The following TNR variants were observed in gnomAD, a reference collection of about 807,000 sequenced individuals.
The protein encoded by TNR is tenascin-R.
A neutral mutation model predicts 150.4 loss-of-function variants in TNR; 45 were observed. The ratio of observed to expected loss-of-function variants is 0.30; its 90% CI spans 0.24 to 0.38. The LOEUF is 0.38. Ranked by LOEUF, TNR falls within the 10% of genes least tolerant of loss-of-function variation. The pLI, the probability that TNR is intolerant of heterozygous loss-of-function variation, is 1.00. For missense variants in TNR, 1,544 were observed against 1,759.1 expected (o/e 0.88, Z 2.19); for synonymous variants, 687 against 678.4 (o/e 1.01, Z -0.20).
intron 1 of TNR, among the ~76,000 whole-genome samples, chr1:175,549,972 C>T (rs1177266460): frequency 3.3e-5 from 5 of 152,130 alleles, no homozygotes; most frequent in African/African-American, 1.2e-4. Context: ...TTTTAACCTG[C>T]TATTTTTGTG....
At chr1:175,504,995 C>T (rs1658893315) in intron 2 of TNR, among the ~76,000 whole-genome samples, 1 of 152,088 alleles carries the variant, frequency 6.6e-6, no homozygotes, top group African/African-American at 2.4e-5. Flanking sequence ...CCCTTTCTCA[C>T]GGTCTGCCGA....
chr1:175,467,102 TTTAA>T (rs1657068515), intron 2 of TNR, among the ~76,000 whole-genome samples: 1 of 152,052 alleles, frequency 6.6e-6, no homozygotes, highest in African/African-American at 2.4e-5. Flanking sequence ...ATGACTTGGT[TTTAA>T]TTGAGATTTT....
intron 2 of TNR, among the ~76,000 whole-genome samples, chr1:175,480,419 A>AGAAAGAAAGAAAGAAAGAAAG (rs373622666): frequency 1.2e-4 from 13 of 111,034 alleles, no homozygotes; most frequent in African/African-American, 3.4e-4. Flanking sequence ...AAAGAAAGAA[A>AGAAAGAAAGAAAGAAAGAAAG]AAAGAAAGAA....
intron 1 of TNR, among the ~76,000 whole-genome samples, chr1:175,638,931 T>C (rs914127762): frequency 6.6e-6 from 1 of 152,242 alleles, no homozygotes; most frequent in Non-Finnish European, 1.5e-5. Context: ...TTCTTTGGGT[T>C]GCCCAAACCA....
At chr1:175,578,638 C>T (rs1405772171) in intron 1 of TNR, among the ~76,000 whole-genome samples, 1 of 152,172 alleles carries the variant, frequency 6.6e-6, no homozygotes. Context: ...CTGCCTCTGC[C>T]TAGTCTCTGG....
intron 1 of TNR, among the ~76,000 whole-genome samples, chr1:175,634,394 C>A (rs1320847588): frequency 6.6e-6 from 1 of 152,176 alleles, no homozygotes; most frequent in Non-Finnish European, 1.5e-5. Context: ...GATAACTCTG[C>A]CTTGTGTGTG....
chr1:175,538,337 A>G (rs930305560), intron 1 of TNR, among the ~76,000 whole-genome samples: 1 of 152,204 alleles, frequency 6.6e-6, no homozygotes, highest in East Asian at 1.9e-4. Context: ...TTCAGGTCAG[A>G]AAGTTTCCTG....
intron 1 of TNR, among the ~76,000 whole-genome samples, chr1:175,726,133 A>G (rs1667471201): frequency 6.6e-6 from 1 of 152,222 alleles, no homozygotes; most frequent in Non-Finnish European, 1.5e-5. Context: ...AAAACATATA[A>G]AGTTATTAGT....
chr1:175,366,238 G>T, intron 10 of TNR, 100 bp from the exon 11 acceptor site: 1 of 1,281,832 alleles, frequency 7.8e-7, no homozygotes, highest in Non-Finnish European at 1.1e-6. Context: ...CAGGCCTGCT[G>T]ACTATGAGCA....
chr1:175,723,607 C>T (rs1667399982), intron 1 of TNR, among the ~76,000 whole-genome samples: 2 of 152,220 alleles, frequency 1.3e-5, no homozygotes, highest in Non-Finnish European at 2.9e-5. Flanking sequence ...CATAGTGGCT[C>T]ATGCCTGTAA....
intron 1 of TNR, among the ~76,000 whole-genome samples, chr1:175,617,066 A>C (rs10157737): frequency 2.0e-5 from 3 of 152,042 alleles, no homozygotes; most frequent in South Asian, 4.1e-4. Context: ...TCTTCCTTCC[A>C]TCAGCCCTTC....
intron 1 of TNR, among the ~76,000 whole-genome samples, chr1:175,603,948 C>T (rs552355371): frequency 6.6e-6 from 1 of 152,270 alleles, no homozygotes; most frequent in Admixed American, 6.5e-5. Flanking sequence ...CTTTTATTTT[C>T]AGTATTTTAT....
At chr1:175,728,942 G>A (rs1374350778) in intron 1 of TNR, among the ~76,000 whole-genome samples, 2 of 152,192 alleles carry the variant, frequency 1.3e-5, no homozygotes, top group East Asian at 1.9e-4. Flanking sequence ...CCGAGCTAAT[G>A]AGTGATGAAG....
intron 1 of TNR, among the ~76,000 whole-genome samples, chr1:175,634,126 A>G (rs986515419): frequency 6.6e-6 from 1 of 152,154 alleles, no homozygotes. Context: ...GTGATTGTCA[A>G]TTTCTTGCTC....
At chr1:175,563,301 A>C (rs1358536615) in intron 1 of TNR, among the ~76,000 whole-genome samples, 2 of 152,238 alleles carry the variant, frequency 1.3e-5, no homozygotes, top group Admixed American at 6.5e-5. Context: ...TGATTCAAAA[A>C]GTTTTCAAAG....
intron 5 of TNR, 148 bp from the exon 6 acceptor site, chr1:175,394,043 G>A (rs200717750): frequency 4.5e-5 from 29 of 640,960 alleles, no homozygotes; most frequent in East Asian, 8.2e-5. Flanking sequence ...GACACAGTGA[G>A]TCCCAGGTGC....
intron 2 of TNR, among the ~76,000 whole-genome samples, chr1:175,487,160 G>A (rs1658050869): frequency 1.3e-5 from 2 of 152,160 alleles, no homozygotes; most frequent in African/African-American, 4.8e-5. Flanking sequence ...GGCTTTTGTT[G>A]CCATTGCTTT....
At chr1:175,417,966 T>G (rs1273311652) in intron 2 of TNR, among the ~76,000 whole-genome samples, 2 of 152,212 alleles carry the variant, frequency 1.3e-5, no homozygotes, top group Non-Finnish European at 2.9e-5. Context: ...TACTTCATTG[T>G]GTACATTATG....
In TNR at chr1:175,541,567, A is replaced by G. The variant is rs529312904; in HGVS notation, c.-164-13198T>C. The stretch of plus-strand genomic sequence containing the variant: ...AATTAAAGATCATTTGTAACAAATC[A>G]TTATAGTCAACTGATTAAAAATGAA... On this transcript the variant is annotated intron_variant, in intron 1 of 22. Coordinates refer to ENST00000367674, the MANE Select transcript of TNR (RefSeq NM_003285.3). Among the ~76,000 whole-genome samples, 13 of 152,350 alleles carry G rather than the reference A, an allele frequency of 8.5e-5. No individual in the cohort carries two copies. In the South Asian group the frequency reaches 2.7e-3, roughly 32 times the overall value.
Sources: gnomAD v4.1 joint callset for allele counts (sites outside exome capture counted in the v4.1 genomes callset) on GRCh38, gnomAD v4.1.1 for gene constraint, MANE v1.5 for transcripts, NCBI Gene and HGNC (gene_info 2026-07-23, HGNC 2026-07-21) for gene names.